Variants in LARS1 observed in about 807,000 individuals in gnomAD.
LARS1 encodes the protein leucyl-tRNA synthetase 1, also known as leucine--tRNA ligase, cytoplasmic.
LARS1 carries 100 observed loss-of-function variants against 162.8 expected under a neutral mutation model. The ratio of observed to expected loss-of-function variants is 0.61; its 90% CI spans 0.52 to 0.73. The LOEUF is 0.73. Among genes scored for constraint, LARS1 ranks in the 30% least tolerant of loss-of-function variants. The pLI, the probability that LARS1 is intolerant of heterozygous loss-of-function variation, is 0.00. For synonymous variants in LARS1, 457 were observed against 462.8 expected, an observed-to-expected ratio of 0.99 and a Z score of 0.16; for missense variants, 1,258 against 1,408.9, an observed-to-expected ratio of 0.89 and a Z score of 1.71.
At chr5:146,165,051 T>C (rs1457941146) in intron 5 of LARS1, among the ~76,000 whole-genome samples, 1 of 152,124 alleles carries the variant, frequency 6.6e-6, no homozygotes, top group Non-Finnish European at 1.5e-5. Flanking sequence ...AGAGGAAATT[T>C]TGGGCCTGGC....
At chr5:146,153,277 G>T in intron 12 of LARS1, 50 bp from the exon 13 acceptor site, 1 of 1,251,260 alleles carries the variant, frequency 8.0e-7, no homozygotes, top group Non-Finnish European at 1.2e-6. Flanking sequence ...TTTACTGGGA[G>T]AATCATTGAG....
chr5:146,118,477 T>G (rs1751670877), intron 31 of LARS1, among the ~76,000 whole-genome samples: 1 of 152,186 alleles, frequency 6.6e-6, no homozygotes, highest in Non-Finnish European at 1.5e-5. Context: ...TTCATAATAA[T>G]ATATGGTACA....
At chr5:146,128,870 G>T in intron 26 of LARS1, 88 bp from the exon 27 acceptor site, 1 of 1,403,640 alleles carries the variant, frequency 7.1e-7, no homozygotes, top group Non-Finnish European at 9.8e-7. Flanking sequence ...CACCACCACG[G>T]TCTTCACCAT....
chr5:146,159,299 C>T, intron 8 of LARS1, 108 bp downstream of exon 8: 1 of 767,520 alleles, frequency 1.3e-6, no homozygotes. Context: ...AGTATCAGGA[C>T]TACATCCCTC....
chr5:146,164,268 A>G, intron 6 of LARS1, 42 bp downstream of exon 6: 1 of 1,563,822 alleles, frequency 6.4e-7, no homozygotes, highest in Non-Finnish European at 8.8e-7. Flanking sequence ...AAAAAAGCAC[A>G]TACTTGTAAA....
At chr5:146,132,690 A>G (rs1272558860) in intron 23 of LARS1, 1 of 426,016 alleles carries the variant, frequency 2.3e-6, no homozygotes, top group Non-Finnish European at 4.1e-6. Flanking sequence ...TCTGTATTAA[A>G]TAAGGTTGCT....
At chr5:146,154,153 T>C (rs1299219965) in intron 10 of LARS1, among the ~76,000 whole-genome samples, 173 bp from the exon 11 acceptor site, 1 of 152,232 alleles carries the variant, frequency 6.6e-6, no homozygotes, top group Admixed American at 6.5e-5. Context: ...ATGTATTTTA[T>C]ACTTGAAAAT....
intron 21 of LARS1, 22 bp from the exon 22 acceptor site, chr5:146,135,686 C>G: frequency 6.5e-7 from 1 of 1,550,332 alleles, no homozygotes; most frequent in Non-Finnish European, 8.8e-7. Context: ...AGTCAGTGAT[C>G]AATCATTAAT....
chr5:146,143,463 A>T lies in LARS1; in HGVS notation c.1826T>A (p.Leu609Gln). ...TCCATGCAAGTTACCCCCCTGCAAT[A>T]GGTGTGCAACTGTGTAAAATGCCAT... Reference protein sequence around the residue: ...IYMAFYTVAHLLQGGNLHGQA... With the variant: ...IYMAFYTVAHQLQGGNLHGQA... The change falls in exon 19 of 32, where the codon CTA becomes CAA. Residue 609 changes from leucine to glutamine, a missense_variant. Leu to Gln is a moderately radical substitution (Grantham distance 113). Transcript: ENST00000394434. 1 of 1,613,958 alleles carries T rather than the reference A, an allele frequency of 6.2e-7. No homozygotes were observed. The highest frequency in any genetic ancestry group is 8.5e-7 in the Non-Finnish European group (1 of 1,179,856).
chr5:146,182,524 G>C lies in LARS1; in HGVS notation c.-31C>G, dbSNP rs768771625. ...CGCCCAGCCGACTGTGCAAATCCAC[G>C]ACAATGACCCTGGCGACCTCCACAA... On this transcript the variant is annotated 5_prime_UTR_variant, in exon 1 of 32. Coordinates refer to ENST00000394434, the MANE Select transcript of LARS1 (RefSeq NM_020117.11). The C allele has an allele frequency of 6.2e-7, 1 of 1,613,656 alleles. No homozygotes were observed. The highest frequency in any genetic ancestry group is 1.3e-5 in the African/African-American group (1 of 74,824).
At chr5:146,130,404 C>A in intron 24 of LARS1, 2 of 475,790 alleles carry the variant, frequency 4.2e-6, no homozygotes. Flanking sequence ...GTAACTGAGA[C>A]ATAAAAGTTG....
chr5:146,128,837 G>A (rs1752152503), intron 26 of LARS1, 55 bp from the exon 27 acceptor site: 2 of 1,498,624 alleles, frequency 1.3e-6, no homozygotes, highest in Non-Finnish European at 1.8e-6. Context: ...AACCAAAAAT[G>A]AGAAGAACCC....
intron 2 of LARS1, among the ~76,000 whole-genome samples, chr5:146,173,544 T>C (rs1754370525): frequency 6.6e-6 from 1 of 151,870 alleles, no homozygotes; most frequent in Non-Finnish European, 1.5e-5. Flanking sequence ...TAAAGCTTTT[T>C]TTTTTTTTTT....
chr5:146,116,569 C>A (rs1764224015), intron 31 of LARS1, among the ~76,000 whole-genome samples: 1 of 152,216 alleles, frequency 6.6e-6, no homozygotes, highest in Non-Finnish European at 1.5e-5. Context: ...TTATCCCAGA[C>A]TTCTCTTATC....
chr5:146,181,841 A>ATT (rs1181046830), intron 1 of LARS1, among the ~76,000 whole-genome samples: 7 of 23,992 alleles, frequency 2.9e-4, no homozygotes, highest in Non-Finnish European at 3.5e-4. Context: ...GAGGCGCTCA[A>ATT]TTTTTTCTTT....
chr5:146,147,706 A>G (rs1254928741), intron 15 of LARS1, among the ~76,000 whole-genome samples: 11 of 152,182 alleles, frequency 7.2e-5, no homozygotes, highest in Non-Finnish European at 1.2e-4. Context: ...CAATATCTGA[A>G]TGATAGGAAT....
At position 146,160,319 on chromosome 5, in the gene LARS1, A is replaced by G. The variant is rs1394668790; in HGVS notation, c.707+55T>C. On this transcript the variant is annotated intron_variant, in intron 7 of 31. Transcript: ENST00000394434. ...CCAAAGCACTGGGATTACAGGCGTG[A>G]GCCTCTGTGCCCAACTGATTTTTGC... The G allele has an allele frequency of 4.1e-6, 4 of 964,460 alleles. No homozygotes were observed. The African/African-American group carries it at 6.7e-5, about 16-fold the overall frequency. 59.7% of individuals were successfully genotyped at this position (964,460 alleles called of 1,614,324 possible).
At chr5:146,135,824 A>G (rs1422904236) in intron 21 of LARS1, among the ~76,000 whole-genome samples, 160 bp from the exon 22 acceptor site, 1 of 152,212 alleles carries the variant, frequency 6.6e-6, no homozygotes, top group East Asian at 1.9e-4. Flanking sequence ...AGCGGTGAAA[A>G]CTGAATTTCA....
chr5:146,144,374 G>A lies in LARS1; in HGVS notation c.1656-25C>T, dbSNP rs768265405. On this transcript the variant is annotated intron_variant, in intron 17 of 31. Coordinates refer to ENST00000394434, the MANE Select transcript of LARS1 (RefSeq NM_020117.11). The stretch of plus-strand genomic sequence containing the variant: ...TCTAGAAAAGAGCAAAAGACAAAGT[G>A]TATCTTTACTGGTTCACTTTTTTTG... 1.0e-5 allele frequency: 16 copies of A among 1,600,810 alleles called. No homozygotes were observed. The African/African-American group carries it at 1.6e-4, about 16-fold the overall frequency.
Sources: allele counts gnomAD v4.1 joint callset (sites outside exome capture counted in the v4.1 genomes callset), GRCh38; gene constraint gnomAD v4.1.1; transcripts MANE v1.5; gene names NCBI Gene and HGNC (gene_info 2026-07-23, HGNC 2026-07-21).